CKMT2: variants seen among roughly 807,000 people sequenced by gnomAD.
CKMT2 encodes creatine kinase S-type, mitochondrial.
In CKMT2, 43 loss-of-function variants were observed where a neutral mutation model predicts 48.9. The ratio of observed to expected loss-of-function variants is 0.88; its 90% CI spans 0.69 to 1.13. The LOEUF (loss-of-function observed/expected upper bound fraction) is 1.13, where lower values mean the gene tolerates loss of function less well. Ranked by LOEUF, CKMT2 falls within the 50% of genes most tolerant of loss-of-function variation. The pLI is 0.00. For missense variants in CKMT2, 472 were observed against 555.4 expected (o/e 0.85, Z 1.51); for synonymous variants, 206 against 213.0 (o/e 0.97, Z 0.29).
chr5:81,238,979 G>T (rs1245740829), intron 1 of CKMT2: 1 of 152,258 alleles, frequency 6.6e-6, no homozygotes, highest in Non-Finnish European at 1.5e-5. Context: ...ATTCTCTAAC[G>T]TTTGTTGAGC....
At chr5:81,254,579 T>C (rs1756932685) in intron 4 of CKMT2, 88 bp downstream of exon 4, 4 of 1,109,628 alleles carry the variant, frequency 3.6e-6, no homozygotes, top group South Asian at 2.5e-5. Context: ...TTCCCCGCTG[T>C]AAGTCAGATA....
At chr5:81,258,757 G>A (rs113429534) in intron 7 of CKMT2, among the ~76,000 whole-genome samples, 7 of 152,144 alleles carry the variant, frequency 4.6e-5, no homozygotes, top group East Asian at 1.9e-4. Flanking sequence ...TCTAGGTTGC[G>A]TGCTCCTTAT....
At chr5:81,254,571 C>A in intron 4 of CKMT2, 80 bp downstream of exon 4, 2 of 1,250,990 alleles carry the variant, frequency 1.6e-6, no homozygotes, top group Non-Finnish European at 2.3e-6. Context: ...GAGAGGGGTT[C>A]CCCGCTGTAA....
intron 1 of CKMT2, among the ~76,000 whole-genome samples, chr5:81,247,172 G>C (rs1756639775): frequency 6.6e-6 from 1 of 152,184 alleles, no homozygotes; most frequent in Admixed American, 6.5e-5. Context: ...GAACAGAACA[G>C]TTCAGTACGT....
intron 1 of CKMT2, among the ~76,000 whole-genome samples, chr5:81,250,246 T>C (rs1478871047): frequency 2.0e-5 from 3 of 152,252 alleles, no homozygotes; most frequent in Non-Finnish European, 4.4e-5. Context: ...GTGGTTCAAT[T>C]TGGTTCTTAC....
At chr5:81,237,447 A>G (rs1463701876) in intron 1 of CKMT2, 1 of 152,182 alleles carries the variant, frequency 6.6e-6, no homozygotes, top group Admixed American at 6.5e-5. Flanking sequence ...GGGCTTGGTA[A>G]CATCCTGTAA....
chr5:81,238,351 AAACAAAAAAAAACCAG>A (rs1160299032), intron 1 of CKMT2: 2 of 152,220 alleles, frequency 1.3e-5, no homozygotes, highest in Non-Finnish European at 2.9e-5. Context: ...AAAAAAACAA[AAACAAAAAAAAACCAG>A]GCATATAAAA....
chr5:81,259,433 T>C, intron 8 of CKMT2, 179 bp downstream of exon 8: 1 of 480,536 alleles, frequency 2.1e-6, no homozygotes, highest in South Asian at 6.9e-5. Context: ...GAATAAAAGG[T>C]TCAGGGGCTG....
intron 1 of CKMT2, among the ~76,000 whole-genome samples, chr5:81,243,264 T>C (rs1219722638): frequency 1.3e-5 from 2 of 152,180 alleles, no homozygotes; most frequent in Non-Finnish European, 2.9e-5. Context: ...GAGCAGCCCA[T>C]GAGTACACTG....
intron 1 of CKMT2, chr5:81,236,127 G>A (rs756897973): frequency 1.2e-4 from 18 of 152,256 alleles, no homozygotes; most frequent in African/African-American, 4.3e-4. Flanking sequence ...GGGAGCCTGA[G>A]GACAGGGAAA....
intron 1 of CKMT2, among the ~76,000 whole-genome samples, chr5:81,243,834 C>T (rs554492701): frequency 2.6e-5 from 4 of 152,190 alleles, no homozygotes; most frequent in Admixed American, 6.5e-5. Flanking sequence ...GGATTACAGG[C>T]GCGTGCTACC....
intron 1 of CKMT2, among the ~76,000 whole-genome samples, chr5:81,241,251 C>G (rs936107887): frequency 6.6e-6 from 1 of 152,192 alleles, no homozygotes; most frequent in Non-Finnish European, 1.5e-5. Flanking sequence ...ATTCCTGCTC[C>G]TCGTGAATTC....
intron 8 of CKMT2, among the ~76,000 whole-genome samples, chr5:81,261,574 C>T (rs749608962): frequency 8.5e-5 from 13 of 152,142 alleles, no homozygotes; most frequent in Non-Finnish European, 1.8e-4. Flanking sequence ...AGAGCCAAAT[C>T]ATGAATGAAC....
chr5:81,236,447 C>T (rs192727239), intron 1 of CKMT2, among the ~76,000 whole-genome samples: 1 of 152,258 alleles, frequency 6.6e-6, no homozygotes, highest in East Asian at 1.9e-4. Flanking sequence ...TCTCTTGAGC[C>T]TCTGTTTCCC....
At chr5:81,252,062 T>C (rs1756834946) in intron 2 of CKMT2, 1 of 155,818 alleles carries the variant, frequency 6.4e-6, no homozygotes, top group Admixed American at 6.2e-5. Context: ...ACTTTAAGTA[T>C]CGGCTCTAAA....
intron 8 of CKMT2, 51 bp downstream of exon 8, chr5:81,259,305 G>C: frequency 1.3e-6 from 2 of 1,545,002 alleles, no homozygotes; most frequent in East Asian, 2.3e-5. Context: ...GCTCAGATGC[G>C]ACTGCTTTGT....
intron 8 of CKMT2, among the ~76,000 whole-genome samples, chr5:81,259,728 C>G (rs1456252060): frequency 6.6e-6 from 1 of 152,104 alleles, no homozygotes; most frequent in Non-Finnish European, 1.5e-5. Context: ...TCTTAGAGCA[C>G]TCTTCTTAGA....
intron 2 of CKMT2, 62 bp from the exon 3 acceptor site, chr5:81,252,633 C>A: frequency 1.3e-6 from 2 of 1,550,784 alleles, no homozygotes; most frequent in Non-Finnish European, 1.8e-6. Flanking sequence ...AACAACAAGT[C>A]CTTCCATTGG....
chr5:81,258,321 T>TACTTCCCCATTCCAC (rs1407040982), intron 7 of CKMT2, among the ~76,000 whole-genome samples: 1 of 152,238 alleles, frequency 6.6e-6, no homozygotes, highest in Non-Finnish European at 1.5e-5. Flanking sequence ...CTATTACGCT[T>TACTTCCCCATTCCAC]ACTTCCCCAT....
Sources: gnomAD v4.1 joint callset for allele counts (sites outside exome capture counted in the v4.1 genomes callset) on GRCh38, gnomAD v4.1.1 for gene constraint, MANE v1.5 for transcripts, NCBI Gene and HGNC (gene_info 2026-07-23, HGNC 2026-07-21) for gene names.